Variants in SCFD2 observed in about 807,000 individuals in gnomAD.
SCFD2 encodes the protein sec1 family domain containing 2.
In SCFD2, 54 loss-of-function variants were observed where a neutral mutation model predicts 58.9. The observed-to-expected ratio is 0.92, with a 90% CI of 0.74 to 1.15. The LOEUF (loss-of-function observed/expected upper bound fraction) is 1.15, where lower values mean the gene tolerates loss of function less well. SCFD2 is among the 50% of genes most tolerant of loss of function. The pLI, the probability that SCFD2 is intolerant of heterozygous loss-of-function variation, is 0.00. For synonymous variants in SCFD2, 321 were observed against 335.9 expected (o/e 0.96, Z 0.49); for missense variants, 805 against 836.6 (o/e 0.96, Z 0.47).
At chr4:53,194,015 A>T (rs1452427757) in intron 4 of SCFD2, among the ~76,000 whole-genome samples, 1 of 152,166 alleles carries the variant, frequency 6.6e-6, no homozygotes, top group Non-Finnish European at 1.5e-5. Context: ...CTTCTTTTAA[A>T]AATCACTTTT....
intron 4 of SCFD2, among the ~76,000 whole-genome samples, chr4:53,160,734 C>T (rs752318532): frequency 5.9e-5 from 9 of 152,080 alleles, no homozygotes; most frequent in Admixed American, 1.3e-4. Flanking sequence ...ACCAAGAAAA[C>T]TTAATAGACA....
chr4:53,084,852 G>GT (rs1724260029), intron 5 of SCFD2, among the ~76,000 whole-genome samples: 1 of 152,116 alleles, frequency 6.6e-6, no homozygotes. Flanking sequence ...TTCATGATAA[G>GT]ATACCTTAAA....
chr4:53,081,186 T>C (rs1462871568), intron 5 of SCFD2, among the ~76,000 whole-genome samples: 3 of 152,214 alleles, frequency 2.0e-5, no homozygotes, highest in Admixed American at 2.0e-4. Flanking sequence ...AATTGTTGTA[T>C]AATCTATCCT....
At chr4:53,023,642 C>T (rs1249082702) in intron 5 of SCFD2, among the ~76,000 whole-genome samples, 2 of 152,088 alleles carry the variant, frequency 1.3e-5, no homozygotes, top group Non-Finnish European at 2.9e-5. Flanking sequence ...AATTAAAGTC[C>T]ATGATTTTCT....
At chr4:53,194,589 G>A (rs566172207) in intron 4 of SCFD2, among the ~76,000 whole-genome samples, 4 of 152,114 alleles carry the variant, frequency 2.6e-5, no homozygotes, top group Non-Finnish European at 4.4e-5. Flanking sequence ...TCAATTTATT[G>A]TTGAAACTAG....
At chr4:53,046,218 A>T (rs1268760222) in intron 5 of SCFD2, among the ~76,000 whole-genome samples, 1 of 152,162 alleles carries the variant, frequency 6.6e-6, no homozygotes, top group African/African-American at 2.4e-5. Flanking sequence ...GAATATTTTA[A>T]ATTTTATTTT....
chr4:53,180,528 A>G (rs570995548), intron 4 of SCFD2, among the ~76,000 whole-genome samples: 1 of 152,310 alleles, frequency 6.6e-6, no homozygotes, highest in Non-Finnish European at 1.5e-5. Context: ...TTATAGCACT[A>G]AATGCCCACA....
At chr4:52,894,687 A>G (rs2109456168) in intron 7 of SCFD2, among the ~76,000 whole-genome samples, 1 of 152,330 alleles carries the variant, frequency 6.6e-6, no homozygotes, top group East Asian at 1.9e-4. Flanking sequence ...GGCTTCACAC[A>G]CTGCCCTTTG....
At chr4:52,960,140 TTATG>T (rs1720811323) in intron 5 of SCFD2, among the ~76,000 whole-genome samples, 3 of 152,122 alleles carry the variant, frequency 2.0e-5, no homozygotes, top group Non-Finnish European at 4.4e-5. Context: ...TTTGGCCTAT[TTATG>T]TTTGTCCCTT....
At position 53,028,552 on chromosome 4, in the gene SCFD2, ACTTATTCAATAGAGTGCTT is replaced by A. The variant is rs555987550; in HGVS notation, c.1562-107701_1562-107683del. On this transcript the variant is annotated intron_variant, in intron 5 of 8. Coordinates refer to ENST00000401642, the MANE Select transcript of SCFD2 (RefSeq NM_152540.4). The stretch of plus-strand genomic sequence containing the variant: ...TTTCCTCATATTATGGCTCAATGCT[ACTTATTCAATAGAGTGCTT>A]CTTATTCAATAGAGTGCTTCTTATT... 2.5e-3 allele frequency among the ~76,000 whole-genome samples: 379 copies of A among 152,274 alleles called. 2 individuals are homozygous for A. Among genetic ancestry groups the A allele is most frequent in the African/African-American group, 8.4e-3 (351 of 41,558 alleles).
At chr4:53,142,499 A>G (rs1036261279) in intron 5 of SCFD2, among the ~76,000 whole-genome samples, 9 of 152,248 alleles carry the variant, frequency 5.9e-5, no homozygotes, top group African/African-American at 1.7e-4. Context: ...TGCAAACCTT[A>G]CGCCAACTTT....
intron 4 of SCFD2, among the ~76,000 whole-genome samples, chr4:53,191,581 A>G (rs1727893944): frequency 6.6e-6 from 1 of 151,714 alleles, no homozygotes; most frequent in South Asian, 2.1e-4. Context: ...TAATTTTTGT[A>G]TTTTTAGTAG....
At chr4:53,173,651 CTTTA>C (rs1553883120) in intron 4 of SCFD2, among the ~76,000 whole-genome samples, 1 of 152,050 alleles carries the variant, frequency 6.6e-6, no homozygotes, top group Non-Finnish European at 1.5e-5. Flanking sequence ...TTTCTAGATA[CTTTA>C]TTTCTTTCTT....
chr4:53,135,592 A>T (rs753860864), intron 5 of SCFD2, among the ~76,000 whole-genome samples: 7 of 152,126 alleles, frequency 4.6e-5, no homozygotes, highest in Non-Finnish European at 8.8e-5. Context: ...AATATGAAAA[A>T]TTAGCTGGGC....
At chr4:53,231,066 C>T (rs1324757764) in intron 4 of SCFD2, among the ~76,000 whole-genome samples, 2 of 151,982 alleles carry the variant, frequency 1.3e-5, no homozygotes, top group African/African-American at 4.8e-5. Context: ...CATGCTACAA[C>T]TGATAGGTAT....
chr4:53,024,289 T>G (rs1322418199), intron 5 of SCFD2, among the ~76,000 whole-genome samples: 1 of 152,198 alleles, frequency 6.6e-6, no homozygotes, highest in African/African-American at 2.4e-5. Context: ...CTTTTCTTAT[T>G]TAACTCAAAC....
chr4:53,050,000 T>G (rs4864717), intron 5 of SCFD2, among the ~76,000 whole-genome samples: 1 of 152,068 alleles, frequency 6.6e-6, no homozygotes, highest in Non-Finnish European at 1.5e-5. Flanking sequence ...AGGCTATAGA[T>G]GTTAAACAGG....
chr4:52,904,226 G>C (rs1329058605), intron 7 of SCFD2, among the ~76,000 whole-genome samples: 2 of 152,226 alleles, frequency 1.3e-5, no homozygotes, highest in Non-Finnish European at 2.9e-5. Context: ...GGCTCAGCTA[G>C]AGCCTTTCAA....
At chr4:53,327,610 A>T (rs1299450295) in intron 2 of SCFD2, among the ~76,000 whole-genome samples, 2 of 152,168 alleles carry the variant, frequency 1.3e-5, no homozygotes, top group East Asian at 3.9e-4. Context: ...GGAGTGATGG[A>T]GGCAGCATCC....
Sources: allele counts gnomAD v4.1 joint callset (sites outside exome capture counted in the v4.1 genomes callset), GRCh38; gene constraint gnomAD v4.1.1; transcripts MANE v1.5; gene names NCBI Gene and HGNC (gene_info 2026-07-23, HGNC 2026-07-21).